The following PRKD1 variants were observed in gnomAD, a reference collection of about 807,000 sequenced individuals.
PRKD1 encodes protein kinase D1.
In PRKD1, 63 loss-of-function variants were observed where a neutral mutation model predicts 95.9. The observed-to-expected ratio is 0.66, with a 90% CI of 0.54 to 0.81. The LOEUF (loss-of-function observed/expected upper bound fraction) is 0.81, where lower values mean the gene tolerates loss of function less well. Among genes scored for constraint, PRKD1 ranks in the 30% least tolerant of loss-of-function variants. The pLI is 0.00. For missense variants in PRKD1, 1,048 were observed against 1,165.3 expected, an observed-to-expected ratio of 0.90 and a Z score of 1.47; for synonymous variants, 425 against 423.1, an observed-to-expected ratio of 1.00 and a Z score of -0.05.
chr14:29,710,622 G>C (rs564125240), intron 2 of PRKD1, among the ~76,000 whole-genome samples: 3 of 152,170 alleles, frequency 2.0e-5, no homozygotes, highest in African/African-American at 7.2e-5. Context: ...AATGTAATGT[G>C]CTAGAGATTG....
intron 1 of PRKD1, among the ~76,000 whole-genome samples, chr14:29,737,146 C>T (rs1202587834): frequency 2.0e-5 from 3 of 150,752 alleles, no homozygotes; most frequent in Admixed American, 6.6e-5. Context: ...CAAGGTGAAA[C>T]CCCGTCTCTA....
At chr14:29,670,503 T>C (rs1882778737) in intron 2 of PRKD1, among the ~76,000 whole-genome samples, 1 of 152,230 alleles carries the variant, frequency 6.6e-6, no homozygotes, top group East Asian at 1.9e-4. Flanking sequence ...ATTGTCTATA[T>C]ATTTCTTTAC....
intron 2 of PRKD1, among the ~76,000 whole-genome samples, chr14:29,713,382 C>T (rs1594451573): frequency 1.3e-5 from 2 of 152,244 alleles, no homozygotes; most frequent in East Asian, 3.9e-4. Context: ...GAATAAACAT[C>T]AAGGAATCTA....
intron 2 of PRKD1, among the ~76,000 whole-genome samples, chr14:29,674,803 T>C (rs1260746592): frequency 5.9e-5 from 9 of 152,238 alleles, no homozygotes; most frequent in Admixed American, 5.2e-4. Context: ...AATATTCTGA[T>C]AGGCAGCAGG....
chr14:29,871,026 C>T (rs938067753), intron 1 of PRKD1, among the ~76,000 whole-genome samples: 2 of 152,194 alleles, frequency 1.3e-5, no homozygotes, highest in African/African-American at 4.8e-5. Flanking sequence ...AATATTCATA[C>T]TAATGCACCT....
intron 1 of PRKD1, among the ~76,000 whole-genome samples, chr14:29,795,324 C>CT (rs1889766030): frequency 6.6e-6 from 1 of 151,890 alleles, no homozygotes; most frequent in East Asian, 1.9e-4. Flanking sequence ...CATTCAATCT[C>CT]TTTTATATAC....
At chr14:29,692,323 TCTTA>T (rs1480782504) in intron 2 of PRKD1, among the ~76,000 whole-genome samples, 1 of 152,110 alleles carries the variant, frequency 6.6e-6, no homozygotes, top group Non-Finnish European at 1.5e-5. Context: ...TGCCATTAAA[TCTTA>T]CTGTGTAGAC....
At chr14:29,824,853 G>A (rs1891048643) in intron 1 of PRKD1, among the ~76,000 whole-genome samples, 1 of 151,942 alleles carries the variant, frequency 6.6e-6, no homozygotes, top group Non-Finnish European at 1.5e-5. Flanking sequence ...TTTAATTAGA[G>A]AGCCTTATGA....
chr14:29,815,891 T>C (rs141718092), intron 1 of PRKD1, among the ~76,000 whole-genome samples: 9 of 152,234 alleles, frequency 5.9e-5, no homozygotes, highest in East Asian at 3.9e-4. Flanking sequence ...ACCTTCAATA[T>C]AGGTATAAGC....
chr14:29,692,087 G>A (rs1254750936), intron 2 of PRKD1, among the ~76,000 whole-genome samples: 1 of 152,084 alleles, frequency 6.6e-6, no homozygotes, highest in Non-Finnish European at 1.5e-5. Flanking sequence ...CACACACTTT[G>A]AGTCCAACTT....
intron 2 of PRKD1, among the ~76,000 whole-genome samples, chr14:29,716,794 G>A (rs1021600863): frequency 3.9e-5 from 6 of 152,156 alleles, no homozygotes; most frequent in Admixed American, 6.6e-5. Flanking sequence ...AATAGCAAAT[G>A]GGGTTATTTG....
At chr14:29,589,780 G>C (rs1893063586) in intron 16 of PRKD1, among the ~76,000 whole-genome samples, 1 of 151,848 alleles carries the variant, frequency 6.6e-6, no homozygotes, top group Admixed American at 6.6e-5. Flanking sequence ...GCATGCACCT[G>C]ATAAAAGATC....
intron 2 of PRKD1, among the ~76,000 whole-genome samples, chr14:29,672,938 C>T (rs375980407): frequency 1.3e-5 from 2 of 151,796 alleles, no homozygotes; most frequent in South Asian, 2.1e-4. Flanking sequence ...AAGGATGCAC[C>T]GGGACAGTAG....
chr14:29,758,111 C>G (rs1315091901), intron 1 of PRKD1, among the ~76,000 whole-genome samples: 1 of 150,100 alleles, frequency 6.7e-6, no homozygotes, highest in African/African-American at 2.5e-5. Context: ...AATTTTCTGC[C>G]AAAATTATAG....
intron 1 of PRKD1, among the ~76,000 whole-genome samples, chr14:29,793,002 C>A (rs574373904): frequency 6.6e-6 from 1 of 151,596 alleles, no homozygotes; most frequent in African/African-American, 2.4e-5. Context: ...GAGATAGCTA[C>A]AAATAAGATT....
chr14:29,807,328 T>C (rs1444650372), intron 1 of PRKD1, among the ~76,000 whole-genome samples: 4 of 152,090 alleles, frequency 2.6e-5, no homozygotes, highest in Non-Finnish European at 5.9e-5. Context: ...AGTCTCAATA[T>C]TGATGGCTGT....
At chr14:29,705,948 G>A (rs2139340856) in intron 2 of PRKD1, among the ~76,000 whole-genome samples, 1 of 152,166 alleles carries the variant, frequency 6.6e-6, no homozygotes, top group South Asian at 2.1e-4. Context: ...ACTTTTGTAT[G>A]AACATATGTT....
At chr14:29,877,049 G>A (rs1013720284) in intron 1 of PRKD1, among the ~76,000 whole-genome samples, 1 of 152,170 alleles carries the variant, frequency 6.6e-6, no homozygotes, top group African/African-American at 2.4e-5. Context: ...CTACTCGCGA[G>A]GCTTAGGCAG....
intron 1 of PRKD1, among the ~76,000 whole-genome samples, chr14:29,776,957 C>T (rs1888790945): frequency 1.3e-5 from 2 of 152,120 alleles, no homozygotes; most frequent in African/African-American, 4.8e-5. Context: ...CTGCAGAAAC[C>T]CTACAAGCCA....
Sources: allele counts gnomAD v4.1 joint callset (sites outside exome capture counted in the v4.1 genomes callset), GRCh38; gene constraint gnomAD v4.1.1; transcripts MANE v1.5; gene names NCBI Gene and HGNC (gene_info 2026-07-23, HGNC 2026-07-21).